The following TAGLN3 variants were observed in gnomAD, a reference collection of about 807,000 sequenced individuals.
TAGLN3 encodes the protein transgelin-3.
A neutral mutation model predicts 25.4 loss-of-function variants in TAGLN3; 12 were observed. That is an observed-to-expected ratio of 0.47 (90% CI 0.30 to 0.77). The LOEUF (loss-of-function observed/expected upper bound fraction) is 0.77, where lower values mean the gene tolerates loss of function less well. Ranked by LOEUF, TAGLN3 falls within the 30% of genes least tolerant of loss-of-function variation. TAGLN3 has a pLI of 0.06. For missense variants in TAGLN3, 218 were observed against 255.8 expected, an observed-to-expected ratio of 0.85 and a Z score of 1.01; for synonymous variants, 96 against 94.8, an observed-to-expected ratio of 1.01 and a Z score of -0.08.
chr3:112,013,273 T>G, intron 4 of TAGLN3, 137 bp from the exon 5 acceptor site: 1 of 1,141,116 alleles, frequency 8.8e-7, no homozygotes, highest in South Asian at 1.6e-5. Flanking sequence ...AGTAGGGCCA[T>G]AGCTCATAAC....
rs1199260399 is a variant in TAGLN3, at chr3:111,999,547, T to G, written c.125T>G (p.Ile42Arg). 3.7e-6 allele frequency: 6 copies of G among 1,614,030 alleles called. No individual in the cohort carries two copies. Among genetic ancestry groups the G allele is most frequent in the Non-Finnish European group, 5.1e-6 (6 of 1,179,984 alleles). ...ATCATCCTGCAGTGCGCCGAGGACATAGAGCACCCGCCCCCCGGCAGGGCC... is the reference window on the plus strand; with the variant it reads ...ATCATCCTGCAGTGCGCCGAGGACAGAGAGCACCCGCCCCCCGGCAGGGCC... Reference protein sequence around the residue: ...DWIILQCAEDIEHPPPGRAHF... With the variant: ...DWIILQCAEDREHPPPGRAHF... The change falls in exon 2 of 5, where the codon ATA (isoleucine) becomes AGA (arginine). Residue 42 changes from isoleucine (I) to arginine (R), a missense_variant. Ile to Arg is a moderately conservative substitution (Grantham distance 97, BLOSUM62 -3). Transcript: ENST00000478951.
chr3:112,000,195 G>C (rs2072840141), intron 2 of TAGLN3, among the ~76,000 whole-genome samples: 2 of 152,206 alleles, frequency 1.3e-5, no homozygotes, highest in Non-Finnish European at 2.9e-5. Flanking sequence ...CCTGCAGTCT[G>C]TGATTTACTG....
At position 112,000,939 on chromosome 3, in the gene TAGLN3, A is replaced by T. The variant is rs2292583; in HGVS notation, c.348A>T (p.Leu116=). 143,792 of 1,613,574 alleles carry T rather than the reference A, an allele frequency of 0.089. 8,137 individuals are homozygous for T. Among genetic ancestry groups the T allele is most frequent in the East Asian group, 0.28 (12,572 of 44,848 alleles). Residue 116 remains leucine (L), a synonymous_variant, in exon 3 of 5, where the codon CTA becomes CTT. Transcript: ENST00000478951. ...CCGACATCTTTCAGACGGTGGATCT[A>T]TGGGAAGGTAAACAGCCCCCTGGCC... ...RTTDIFQTVD[L]WEGKDMAAVQ...
Position 112,013,523 on chromosome 3 carries a change from G to T in TAGLN3, c.572G>T (p.Gly191Val). 6.2e-7 allele frequency: 1 copy of T among 1,614,178 alleles called. No individual in the cohort carries two copies. Among genetic ancestry groups the T allele is most frequent in the Non-Finnish European group, 8.5e-7 (1 of 1,180,020 alleles). The change falls in exon 5 of 5, where the codon GGG becomes GTG. Residue 191 changes from glycine to valine, a missense_variant. Physicochemically the swap from Gly to Val is moderately radical, Grantham distance 109. Transcript: ENST00000478951. ...NKGASQAGMT[G>V]YGMPRQIM ...GGAGCCTCCCAGGCGGGCATGACAG[G>T]GTACGGGATGCCCAGGCAGATCATG...
At chr3:112,000,494 T>C (rs2072843782) in intron 2 of TAGLN3, 3 of 328,242 alleles carry the variant, frequency 9.1e-6, no homozygotes, top group African/African-American at 4.2e-5. Context: ...CTTTCCCTCA[T>C]CCAGAAAAAG....
At chr3:112,008,156 C>T (rs1019569958) in intron 3 of TAGLN3, among the ~76,000 whole-genome samples, 2 of 152,128 alleles carry the variant, frequency 1.3e-5, no homozygotes, top group African/African-American at 4.8e-5. Context: ...GAGATGCCCC[C>T]CTGCAAACTC....
intron 4 of TAGLN3, 83 bp downstream of exon 4, chr3:112,011,948 C>A: frequency 7.7e-7 from 1 of 1,300,034 alleles, no homozygotes; most frequent in Non-Finnish European, 1.1e-6. Flanking sequence ...TCTACAGAGG[C>A]TTTATGTGCA....
chr3:111,999,623 G>T (rs1191599219), intron 2 of TAGLN3, 21 bp downstream of exon 2: 4 of 1,608,360 alleles, frequency 2.5e-6, no homozygotes, highest in South Asian at 2.2e-5. Context: ...CAGCGATCTC[G>T]GTTGCTGGGG....
Position 111,999,477 on chromosome 3 carries a change from G to A in TAGLN3, c.55G>A (p.Glu19Lys), listed in dbSNP as rs1198939435. 6.2e-7 allele frequency: 1 copy of A among 1,614,192 alleles called. No homozygotes were observed. Among genetic ancestry groups the A allele is most frequent in the South Asian group, 1.1e-5 (1 of 91,074 alleles). Reference protein sequence around the residue: ...GLSREVQEKIEQKYDADLENK... With the variant: ...GLSREVQEKIKQKYDADLENK... ...AAGCCGAGAGGTGCAGGAGAAGATC[G>A]AGCAGAAGTATGATGCGGACCTGGA... Residue 19 changes from glutamate to lysine, a missense_variant, in exon 2 of 5, where the codon GAG becomes AAG. Glu to Lys is a moderately conservative substitution (Grantham distance 56). Coordinates refer to ENST00000478951, the MANE Select transcript of TAGLN3 (RefSeq NM_001008272.2).
chr3:112,007,084 G>C (rs1033647116), intron 3 of TAGLN3, among the ~76,000 whole-genome samples: 1 of 152,076 alleles, frequency 6.6e-6, no homozygotes, highest in Admixed American at 6.5e-5. Context: ...CTCCTTTTTT[G>C]TTTAAGACTA....
At chr3:112,011,062 G>T (rs1359339885) in intron 3 of TAGLN3, among the ~76,000 whole-genome samples, 2 of 152,174 alleles carry the variant, frequency 1.3e-5, no homozygotes, top group Non-Finnish European at 2.9e-5. Context: ...TTCCACACTG[G>T]TGCCTTGCAT....
rs75733703 is a variant in TAGLN3, at chr3:112,009,146, A to G, written c.356-2617A>G. On this transcript the variant is annotated intron_variant, in intron 3 of 4. Transcript: ENST00000478951. Reference sequence around the variant, plus strand: ...AGCCATTCATGAGGGATCTGCCCTCACGACCCAAACACCTCCTACTAAGCC... The same window carrying G: ...AGCCATTCATGAGGGATCTGCCCTCGCGACCCAAACACCTCCTACTAAGCC... 2.7e-3 allele frequency among the ~76,000 whole-genome samples: 410 copies of G among 152,304 alleles called. 3 individuals are homozygous for G. Among genetic ancestry groups the G allele is most frequent in the African/African-American group, 9.4e-3 (389 of 41,560 alleles).
At chr3:112,001,305 G>C (rs1559941735) in intron 3 of TAGLN3, among the ~76,000 whole-genome samples, 1 of 152,182 alleles carries the variant, frequency 6.6e-6, no homozygotes, top group Non-Finnish European at 1.5e-5. Flanking sequence ...TGTGCTTCTT[G>C]CTCAACTGCA....
chr3:112,012,502 A>C (rs922729900), intron 4 of TAGLN3, among the ~76,000 whole-genome samples: 12 of 150,970 alleles, frequency 7.9e-5, no homozygotes, highest in African/African-American at 2.9e-4. Flanking sequence ...TTTTTTTTTC[A>C]GGGGGTAGGG....
intron 1 of TAGLN3, 104 bp downstream of exon 1, chr3:111,999,218 G>A (rs1219612401): frequency 2.5e-5 from 14 of 553,480 alleles, no homozygotes; most frequent in Admixed American, 1.3e-4. Flanking sequence ...TTACTGGCGG[G>A]TAGCTGTGCT....
chr3:112,000,574 G>A (rs1251620660), intron 2 of TAGLN3, 198 bp from the exon 3 acceptor site: 2 of 544,084 alleles, frequency 3.7e-6, no homozygotes, highest in African/African-American at 3.7e-5. Flanking sequence ...GCAGCATTAG[G>A]AATGGGGTCC....
chr3:112,011,379 C>T (rs955990508), intron 3 of TAGLN3, among the ~76,000 whole-genome samples: 1 of 152,230 alleles, frequency 6.6e-6, no homozygotes, highest in African/African-American at 2.4e-5. Flanking sequence ...AAGGCCCTAT[C>T]ACTTGTGTCA....
chr3:112,013,600 G>A lies in TAGLN3; in HGVS notation c.*49G>A. 2 of 1,613,066 alleles carry A rather than the reference G, an allele frequency of 1.2e-6. No homozygotes were observed. Among genetic ancestry groups the A allele is most frequent in the Middle Eastern group, 1.7e-4 (1 of 6,060 alleles). On this transcript the variant is annotated 3_prime_UTR_variant, in exon 5 of 5. Coordinates refer to ENST00000478951, the MANE Select transcript of TAGLN3 (RefSeq NM_001008272.2). ...GAGAGGACGAATGTTCCACACCATGGTCTCTACGAAAAAGAAATAGTTAGT... is the reference window on the plus strand; with the variant it reads ...GAGAGGACGAATGTTCCACACCATGATCTCTACGAAAAAGAAATAGTTAGT...
chr3:112,003,624 G>A (rs534787038), intron 3 of TAGLN3, among the ~76,000 whole-genome samples: 1 of 152,320 alleles, frequency 6.6e-6, no homozygotes, highest in African/African-American at 2.4e-5. Flanking sequence ...TACCTTGACT[G>A]TGGTTTTAAT....
Sources: gnomAD v4.1 joint callset for allele counts (sites outside exome capture counted in the v4.1 genomes callset) on GRCh38, gnomAD v4.1.1 for gene constraint, MANE v1.5 for transcripts, NCBI Gene and HGNC (gene_info 2026-07-23, HGNC 2026-07-21) for gene names.